Variants in EXOC6B observed in about 807,000 individuals in gnomAD.
The protein encoded by EXOC6B is SEC15 homolog B.
In EXOC6B, 54 loss-of-function variants were observed where a neutral mutation model predicts 113.5. The ratio of observed to expected loss-of-function variants is 0.48; its 90% CI spans 0.38 to 0.60. The LOEUF is 0.60. Among genes scored for constraint, EXOC6B ranks in the 20% least tolerant of loss-of-function variants. EXOC6B has a pLI of 0.00. For synonymous variants in EXOC6B, 357 were observed against 339.0 expected (o/e 1.05, Z -0.58); for missense variants, 797 against 977.5 (o/e 0.82, Z 2.46).
chr2:72,338,207 C>T (rs1382753285), intron 19 of EXOC6B, among the ~76,000 whole-genome samples: 1 of 152,140 alleles, frequency 6.6e-6, no homozygotes, highest in Non-Finnish European at 1.5e-5. Context: ...ATACAGCATT[C>T]CTTACAGTGC....
chr2:72,712,049 C>G (rs944653312), intron 6 of EXOC6B, among the ~76,000 whole-genome samples: 6 of 152,124 alleles, frequency 3.9e-5, no homozygotes, highest in Non-Finnish European at 7.3e-5. Context: ...TGAAACTCCT[C>G]CTCAGATTCG....
At chr2:72,660,377 T>C (rs990181433) in intron 6 of EXOC6B, among the ~76,000 whole-genome samples, 1 of 152,154 alleles carries the variant, frequency 6.6e-6, no homozygotes, top group Non-Finnish European at 1.5e-5. Context: ...AGTATAGAAA[T>C]AAAACACTTT....
At chr2:72,623,929 A>G (rs1371285546) in intron 6 of EXOC6B, among the ~76,000 whole-genome samples, 4 of 152,208 alleles carry the variant, frequency 2.6e-5, no homozygotes, top group Non-Finnish European at 5.9e-5. Context: ...CTAGAAGTCA[A>G]CTTTGATACT....
At chr2:72,784,349 T>C (rs1447701570) in intron 1 of EXOC6B, among the ~76,000 whole-genome samples, 1 of 152,212 alleles carries the variant, frequency 6.6e-6, no homozygotes, top group Non-Finnish European at 1.5e-5. Flanking sequence ...TCCACATGAA[T>C]TTCAGAATTG....
intron 6 of EXOC6B, among the ~76,000 whole-genome samples, chr2:72,682,811 T>G (rs1238267288): frequency 6.6e-6 from 1 of 152,176 alleles, no homozygotes; most frequent in African/African-American, 2.4e-5. Context: ...TGGTATTATC[T>G]TATATACTAG....
intron 12 of EXOC6B, 107 bp from the exon 13 acceptor site, chr2:72,498,658 ATTCTT>A: frequency 1.6e-6 from 1 of 623,886 alleles, no homozygotes; most frequent in Non-Finnish European, 2.7e-6. Context: ...AAAACATTAC[ATTCTT>A]TGAACAGCAA....
intron 19 of EXOC6B, among the ~76,000 whole-genome samples, chr2:72,367,611 C>T (rs1690711329): frequency 6.6e-6 from 1 of 151,446 alleles, no homozygotes; most frequent in Non-Finnish European, 1.5e-5. Flanking sequence ...TAGATTTTTA[C>T]ATCATATCGC....
At chr2:72,495,336 G>A (rs1573253604) in intron 15 of EXOC6B, 94 bp downstream of exon 15, 1 of 635,878 alleles carries the variant, frequency 1.6e-6, no homozygotes, top group Non-Finnish European at 2.7e-6. Context: ...TCCAAAATCA[G>A]GGCTGACGGG....
chr2:72,727,116 A>G (rs1328426623), intron 5 of EXOC6B, among the ~76,000 whole-genome samples: 1 of 152,196 alleles, frequency 6.6e-6, no homozygotes, highest in South Asian at 2.1e-4. Flanking sequence ...ATTGTAAAAC[A>G]AAGAGGTATA....
At chr2:72,359,861 G>A (rs527801613) in intron 19 of EXOC6B, among the ~76,000 whole-genome samples, 5 of 152,182 alleles carry the variant, frequency 3.3e-5, no homozygotes, top group South Asian at 2.1e-4. Flanking sequence ...CCTCCCCACA[G>A]TAATGAGTTC....
At chr2:72,258,027 A>G (rs1409763596) in intron 20 of EXOC6B, among the ~76,000 whole-genome samples, 1 of 152,216 alleles carries the variant, frequency 6.6e-6, no homozygotes, top group Non-Finnish European at 1.5e-5. Flanking sequence ...TGGCTTACTC[A>G]CTAAATTTCA....
At chr2:72,399,009 G>GAAAAAAAAAAAA (rs576686166) in intron 18 of EXOC6B, among the ~76,000 whole-genome samples, 2 of 122,656 alleles carry the variant, frequency 1.6e-5, no homozygotes, top group African/African-American at 5.3e-5. Flanking sequence ...CAGTGAAAAA[G>GAAAAAAAAAAAA]AAAAAAAAAA....
At chr2:72,357,813 C>G (rs1305587540) in intron 19 of EXOC6B, among the ~76,000 whole-genome samples, 1 of 152,142 alleles carries the variant, frequency 6.6e-6, no homozygotes, top group African/African-American at 2.4e-5. Context: ...TTACCACTGA[C>G]TGTGTTACAA....
At chr2:72,226,516 A>G (rs1681251406) in intron 20 of EXOC6B, among the ~76,000 whole-genome samples, 1 of 152,164 alleles carries the variant, frequency 6.6e-6, no homozygotes, top group South Asian at 2.1e-4. Flanking sequence ...GAAGGAAGAA[A>G]ATAGCACCAT....
chr2:72,184,101 T>C lies in EXOC6B; in HGVS notation c.2283A>G (p.Pro761=). The part of the protein sequence containing the change: ...QPNCKYLRVN[P]VTALTLLEKM... The stretch of plus-strand genomic sequence containing the variant: ...TCTCAAGCAGGGTCAGAGCAGTCAC[T>C]GGGTTTACCCGGAGGTACTTGCAGT... Residue 761 remains proline (P), a synonymous_variant, in exon 21 of 22, where the codon CCA becomes CCG. Transcript: ENST00000272427. 6.4e-7 allele frequency: 1 copy of C among 1,564,326 alleles called. No homozygotes were observed. Among genetic ancestry groups the C allele is most frequent in the Non-Finnish European group, 8.7e-7 (1 of 1,153,316 alleles).
chr2:72,789,209 C>G (rs958999858), intron 1 of EXOC6B, among the ~76,000 whole-genome samples: 1 of 152,202 alleles, frequency 6.6e-6, no homozygotes, highest in Non-Finnish European at 1.5e-5. Context: ...CCCAAAGGAA[C>G]TAAGACTTTT....
At chr2:72,754,195 G>C (rs1022614596) in intron 1 of EXOC6B, among the ~76,000 whole-genome samples, 3 of 151,892 alleles carry the variant, frequency 2.0e-5, no homozygotes, top group Admixed American at 1.3e-4. Context: ...CTCAGAAGCT[G>C]CTCTTCTTAC....
intron 20 of EXOC6B, among the ~76,000 whole-genome samples, chr2:72,292,016 A>T (rs555566400): frequency 2.0e-5 from 3 of 152,308 alleles, no homozygotes; most frequent in Admixed American, 6.5e-5. Flanking sequence ...AGTTTTCTCC[A>T]TTCTTACCCC....
intron 3 of EXOC6B, among the ~76,000 whole-genome samples, chr2:72,732,120 T>C (rs1680676691): frequency 6.6e-6 from 1 of 152,124 alleles, no homozygotes; most frequent in African/African-American, 2.4e-5. Flanking sequence ...AAATGGTAAA[T>C]ATGTCAATCA....
Sources: allele counts gnomAD v4.1 joint callset (sites outside exome capture counted in the v4.1 genomes callset), GRCh38; gene constraint gnomAD v4.1.1; transcripts MANE v1.5; gene names NCBI Gene and HGNC (gene_info 2026-07-23, HGNC 2026-07-21).